NLGN1: variants seen among roughly 807,000 people sequenced by gnomAD.
The protein encoded by NLGN1 is neuroligin-1.
NLGN1 carries 12 observed loss-of-function variants against 65.5 expected under a neutral mutation model. The ratio of observed to expected loss-of-function variants is 0.18; its 90% CI spans 0.12 to 0.30. The LOEUF is 0.30. Ranked by LOEUF, NLGN1 falls within the 10% of genes least tolerant of loss-of-function variation. The pLI is 1.00. For missense variants in NLGN1, 750 were observed against 1,007.1 expected (o/e 0.74, Z 3.46); for synonymous variants, 350 against 359.5 (o/e 0.97, Z 0.30).
intron 3 of NLGN1, among the ~76,000 whole-genome samples, chr3:173,706,219 T>G (rs1426469054): frequency 6.6e-6 from 1 of 152,216 alleles, no homozygotes; most frequent in Non-Finnish European, 1.5e-5. Flanking sequence ...TTTTATCTAT[T>G]TAAATGGAGA....
chr3:173,525,337 TAA>T (rs1735466993), intron 2 of NLGN1, among the ~76,000 whole-genome samples: 3 of 152,052 alleles, frequency 2.0e-5, no homozygotes, highest in Admixed American at 6.6e-5. Context: ...TTTTCTTCTT[TAA>T]TCTTGGGAGG....
At chr3:173,946,170 A>G (rs953958049) in intron 4 of NLGN1, among the ~76,000 whole-genome samples, 3 of 152,252 alleles carry the variant, frequency 2.0e-5, no homozygotes, top group Admixed American at 6.5e-5. Context: ...TAATAAAAGA[A>G]GTAATACACG....
chr3:174,004,443 A>G (rs1351498263), intron 4 of NLGN1, among the ~76,000 whole-genome samples: 1 of 152,106 alleles, frequency 6.6e-6, no homozygotes, highest in South Asian at 2.1e-4. Flanking sequence ...CTATCATTCC[A>G]TGTTGTGTAG....
At chr3:173,916,094 C>T (rs1169344711) in intron 4 of NLGN1, among the ~76,000 whole-genome samples, 3 of 151,972 alleles carry the variant, frequency 2.0e-5, no homozygotes, top group Non-Finnish European at 4.4e-5. Context: ...GGTACTGATC[C>T]CCTATATCTT....
chr3:174,188,402 T>C (rs1731806425), intron 4 of NLGN1, among the ~76,000 whole-genome samples: 1 of 152,014 alleles, frequency 6.6e-6, no homozygotes, highest in Non-Finnish European at 1.5e-5. Flanking sequence ...TTCCATTCAC[T>C]GCGCAGTTGC....
chr3:173,933,383 C>A (rs1434210776), intron 4 of NLGN1, among the ~76,000 whole-genome samples: 15 of 152,050 alleles, frequency 9.9e-5, no homozygotes. Context: ...CCATTTCAGT[C>A]AAGGCCAGAA....
chr3:173,517,784 A>G (rs781519096), intron 2 of NLGN1, among the ~76,000 whole-genome samples: 23 of 151,794 alleles, frequency 1.5e-4, no homozygotes, highest in South Asian at 4.2e-4. Context: ...CTATCTATCT[A>G]TCTATCTATC....
At chr3:173,712,983 A>G (rs1769233419) in intron 3 of NLGN1, among the ~76,000 whole-genome samples, 1 of 152,126 alleles carries the variant, frequency 6.6e-6, no homozygotes, top group Non-Finnish European at 1.5e-5. Context: ...GTCGGAAACA[A>G]TGATATACTT....
At chr3:173,824,317 A>G (rs981326056) in intron 4 of NLGN1, among the ~76,000 whole-genome samples, 1 of 152,154 alleles carries the variant, frequency 6.6e-6, no homozygotes, top group African/African-American at 2.4e-5. Context: ...TACTTGTACA[A>G]TCTTCAATCT....
chr3:174,002,765 G>A (rs1723561777), intron 4 of NLGN1, among the ~76,000 whole-genome samples: 1 of 152,200 alleles, frequency 6.6e-6, no homozygotes, highest in South Asian at 2.1e-4. Flanking sequence ...AAAATGGAGG[G>A]AAAAGTGGAG....
chr3:173,404,660 T>C (rs1213766661), intron 1 of NLGN1, among the ~76,000 whole-genome samples: 4 of 152,302 alleles, frequency 2.6e-5, no homozygotes, highest in African/African-American at 9.6e-5. Context: ...CATGGAAGTA[T>C]GTTTTTGAGT....
intron 3 of NLGN1, chr3:173,789,765 C>T (rs952748731): frequency 4.4e-6 from 2 of 451,578 alleles, no homozygotes; most frequent in African/African-American, 4.0e-5. Context: ...GTGTTCCACA[C>T]TCCGCCCATC....
chr3:174,025,047 G>T (rs1340907645), intron 4 of NLGN1, among the ~76,000 whole-genome samples: 1 of 152,092 alleles, frequency 6.6e-6, no homozygotes, highest in African/African-American at 2.4e-5. Context: ...AACAATAACT[G>T]TCGTTTAGTA....
intron 2 of NLGN1, among the ~76,000 whole-genome samples, chr3:173,502,233 C>T (rs985325475): frequency 1.9e-4 from 29 of 151,990 alleles, no homozygotes; most frequent in African/African-American, 5.3e-4. Context: ...ATTTTTTGGC[C>T]ATAAACGTTA....
intron 4 of NLGN1, among the ~76,000 whole-genome samples, chr3:173,836,421 CTAA>C (rs1350470220): frequency 2.0e-5 from 3 of 152,038 alleles, no homozygotes; most frequent in Non-Finnish European, 2.9e-5. Flanking sequence ...CATACTACTA[CTAA>C]TAATAATAGT....
chr3:173,848,558 G>T (rs1259114580), intron 4 of NLGN1, among the ~76,000 whole-genome samples: 1 of 151,964 alleles, frequency 6.6e-6, no homozygotes, highest in Non-Finnish European at 1.5e-5. Context: ...ATGCTAAATT[G>T]TCTTACTTCC....
intron 4 of NLGN1, among the ~76,000 whole-genome samples, chr3:174,044,439 C>T (rs983390800): frequency 7.2e-5 from 11 of 152,016 alleles, no homozygotes; most frequent in South Asian, 2.1e-4. Flanking sequence ...AAATTTCTTC[C>T]ACCAGGTACC....
At chr3:174,069,666 G>C (rs1739396027) in intron 4 of NLGN1, among the ~76,000 whole-genome samples, 1 of 152,210 alleles carries the variant, frequency 6.6e-6, no homozygotes, top group African/African-American at 2.4e-5. Context: ...TACAGTATAA[G>C]GGGTTCATTG....
intron 4 of NLGN1, among the ~76,000 whole-genome samples, chr3:174,140,420 T>C (rs1230473254): frequency 6.6e-6 from 1 of 152,170 alleles, no homozygotes; most frequent in East Asian, 1.9e-4. Context: ...TTATTGAGCA[T>C]ATATTATTTG....
Sources: allele counts gnomAD v4.1 joint callset (sites outside exome capture counted in the v4.1 genomes callset), GRCh38; gene constraint gnomAD v4.1.1; transcripts MANE v1.5; gene names NCBI Gene and HGNC (gene_info 2026-07-23, HGNC 2026-07-21).